The following EVI2B variants were observed in gnomAD, a reference collection of about 807,000 sequenced individuals.
EVI2B encodes ecotropic viral integration site 2B, also known as protein EVI2B.
A neutral mutation model predicts 6.6 loss-of-function variants in EVI2B; 4 were observed. The ratio of observed to expected loss-of-function variants is 0.61; its 90% confidence interval spans 0.30 to 1.39. The LOEUF is 1.39. Ranked by LOEUF, EVI2B falls within the 40% of genes most tolerant of loss-of-function variation. EVI2B has a pLI of 0.08. For missense variants in EVI2B, 484 were observed against 516.6 expected (o/e 0.94, Z 0.61); for synonymous variants, 181 against 186.8 (o/e 0.97, Z 0.25).
intron 1 of EVI2B, among the ~76,000 whole-genome samples, chr17:31,307,221 C>T (rs141282392): frequency 2.3e-4 from 35 of 151,812 alleles, no homozygotes; most frequent in African/African-American, 6.3e-4. Flanking sequence ...GGGGTTTCAC[C>T]GTGTTGGCCA....
intron 1 of EVI2B, chr17:31,307,983 T>G (rs758066732): frequency 8.3e-7 from 1 of 1,202,148 alleles, no homozygotes; most frequent in South Asian, 1.3e-5. Context: ...AGAAAAGATA[T>G]GTGATTTTTT....
chr17:31,304,550 G>A lies in EVI2B; in HGVS notation c.1060C>T (p.Gln354Ter). The A allele has an allele frequency of 1.9e-6, 3 of 1,614,126 alleles. No homozygotes were observed. The highest frequency in any genetic ancestry group is 2.5e-6 in the Non-Finnish European group (3 of 1,180,002). ...LLDLEGQESN[Q>*]SDKPTMTIVS... ...ATTGTCATTGTGGGTTTGTCAGATTGGTTACTTTCCTGTCCTTCCAAATCC... is the reference window on the plus strand; with the variant it reads ...ATTGTCATTGTGGGTTTGTCAGATTAGTTACTTTCCTGTCCTTCCAAATCC... The change falls in exon 2 of 2, where the codon CAA becomes TAA. Residue 354 changes from glutamine (Q) to a stop codon, truncating the protein, a stop_gained. Transcript: ENST00000330927. LOFTEE classifies it low-confidence loss of function (END_TRUNC).
chr17:31,305,633 A>G lies in EVI2B; in HGVS notation c.-21-3T>C, dbSNP rs374849042. ...ATTTCAGAATATTTCCTCGTTATCT[A>G]TAGCGGGTTTATAATGAAAGAGAAA... On this transcript the variant is annotated splice_region_variant and splice_polypyrimidine_tract_variant and intron_variant, in intron 1 of 1. Transcript: ENST00000330927. The G allele has an allele frequency of 3.1e-5, 49 of 1,593,092 alleles. 1 individual carries two copies. The Middle Eastern group carries it at 8.4e-4, about 27-fold the overall frequency.
intron 1 of EVI2B, chr17:31,307,750 C>T (rs1186864939): frequency 6.0e-6 from 3 of 497,974 alleles, no homozygotes; most frequent in East Asian, 7.0e-5. Context: ...TATCTCTTAA[C>T]ATTAGGGAAT....
At chr17:31,313,069 A>G (rs938808785) in intron 1 of EVI2B, among the ~76,000 whole-genome samples, 3 of 152,190 alleles carry the variant, frequency 2.0e-5, no homozygotes, top group African/African-American at 7.2e-5. Context: ...AAAATGAGCC[A>G]TAATGTTTTC....
At chr17:31,311,846 G>A (rs2068885238) in intron 1 of EVI2B, among the ~76,000 whole-genome samples, 2 of 152,122 alleles carry the variant, frequency 1.3e-5, no homozygotes. Flanking sequence ...TCATAGAAAA[G>A]TTATGAAATA....
At chr17:31,310,361 A>G (rs2068837268) in intron 1 of EVI2B, among the ~76,000 whole-genome samples, 1 of 152,136 alleles carries the variant, frequency 6.6e-6, no homozygotes. Flanking sequence ...ACAGGTGAAA[A>G]AAAAAGCAGT....
rs17884979 is a variant in EVI2B at position 31,313,574 on chromosome 17, T to C, written c.-22+405A>G. The stretch of plus-strand genomic sequence containing the variant: ...CAAAAAAATTAGCCAGGCGTGGTGG[T>C]GGGCGCCTGTAATCCGAGCTACTTG... On this transcript the variant is annotated intron_variant, in intron 1 of 1. Coordinates refer to ENST00000330927, the MANE Select transcript of EVI2B (RefSeq NM_006495.4). 1.6e-3 allele frequency among the ~76,000 whole-genome samples: 249 copies of C among 151,782 alleles called. 1 individual carries two copies. The highest frequency in any genetic ancestry group is 5.8e-3 in the African/African-American group (239 of 41,392).
At position 31,304,250 on chromosome 17, in the gene EVI2B, C is replaced by A; in HGVS notation, c.*13G>T. On this transcript the variant is annotated 3_prime_UTR_variant, in exon 2 of 2. Coordinates refer to ENST00000330927, the MANE Select transcript of EVI2B (RefSeq NM_006495.4). ...TGAGGATGGAAGATCAGCTAAAAAG[C>A]AAGTTGTAATATTTATAACAGTTCT... 1 of 1,560,034 alleles carries A rather than the reference C, an allele frequency of 6.4e-7. No individual in the cohort carries two copies. The highest frequency in any genetic ancestry group is 8.7e-7 in the Non-Finnish European group (1 of 1,155,438).
chr17:31,309,728 A>G (rs1189669113), intron 1 of EVI2B, among the ~76,000 whole-genome samples: 3 of 152,184 alleles, frequency 2.0e-5, no homozygotes, highest in Non-Finnish European at 4.4e-5. Context: ...CCCAAACAGG[A>G]ACATAATTTT....
intron 1 of EVI2B, among the ~76,000 whole-genome samples, chr17:31,313,586 A>T (rs1440529906): frequency 3.3e-5 from 5 of 151,822 alleles, no homozygotes; most frequent in African/African-American, 1.2e-4. Context: ...GGCGCCTGTA[A>T]TCCGAGCTAC....
intron 1 of EVI2B, among the ~76,000 whole-genome samples, chr17:31,311,665 A>G (rs1217503117): frequency 2.0e-5 from 3 of 152,232 alleles, no homozygotes; most frequent in Non-Finnish European, 4.4e-5. Context: ...TATTTTAATT[A>G]GCTAGGTGGT....
In EVI2B at chr17:31,304,146, A is replaced by G. The variant is rs2068642584; in HGVS notation, c.*117T>C. ...CACATAGGCTCTGAGCAGATTTCAG[A>G]TAGTTCCTGAATAAAAATCAAAATT... is the stretch of plus-strand genomic sequence containing the variant. On this transcript the variant is annotated 3_prime_UTR_variant, in exon 2 of 2. Transcript: ENST00000330927. 5 of 1,054,740 alleles carry G rather than the reference A, an allele frequency of 4.7e-6. No individual in the cohort carries two copies. Among genetic ancestry groups the G allele is most frequent in the African/African-American group, 1.6e-5 (1 of 61,884 alleles). The allele number at this position is 1,054,740 out of a possible 1,614,324, so 65.3% of individuals were successfully genotyped here. A position where few individuals can be genotyped will look rare whatever the true frequency, so the allele number is the denominator to read the frequency against.
At chr17:31,309,717 G>A (rs1445421419) in intron 1 of EVI2B, among the ~76,000 whole-genome samples, 6 of 152,112 alleles carry the variant, frequency 3.9e-5, no homozygotes, top group African/African-American at 1.4e-4. Context: ...GAAGGACAGG[G>A]CCCAAACAGG....
Position 31,304,565 on chromosome 17 carries a change from CT to C in EVI2B, c.1044del (p.Gly349AspfsTer12). 6.2e-7 allele frequency: 1 copy of C among 1,614,130 alleles called. No homozygotes were observed. On this transcript the variant is annotated frameshift_variant, in exon 2 of 2. Coordinates refer to ENST00000330927, the MANE Select transcript of EVI2B (RefSeq NM_006495.4). LOFTEE classifies it low-confidence loss of function (END_TRUNC). Reference protein sequence around the residue: ...LPPPPPLLDLEGQESNQSDKP... With the variant: ...LPPPPPLLDLXGQESNQSDKP... ...TTGTCAGATTGGTTACTTTCCTGTC[CT>C]TCCAAATCCAGAAGGGGAGGTGGTG...
At chr17:31,310,435 G>A (rs917852350) in intron 1 of EVI2B, among the ~76,000 whole-genome samples, 14 of 151,874 alleles carry the variant, frequency 9.2e-5, no homozygotes, top group Admixed American at 8.5e-4. Context: ...GTTGGGGGTG[G>A]GGGGAGATGA....
intron 1 of EVI2B, chr17:31,307,832 A>G: frequency 8.4e-7 from 1 of 1,195,356 alleles, no homozygotes; most frequent in Non-Finnish European, 1.1e-6. Context: ...ATAAGCCTAT[A>G]TTTAGAGAGA....
chr17:31,312,036 T>C (rs1360416913), intron 1 of EVI2B, among the ~76,000 whole-genome samples: 2 of 152,098 alleles, frequency 1.3e-5, no homozygotes, highest in Admixed American at 6.6e-5. Context: ...TTTAGTAAGT[T>C]TACTGAAAAT....
rs768559176 is a variant in EVI2B, at chr17:31,304,840, A to AT, written c.769dup (p.Ile257AsnfsTer5). On this transcript the variant is annotated frameshift_variant, in exon 2 of 2. Transcript: ENST00000330927. LOFTEE classifies it high-confidence loss of function. ...TTTTGTGGATATTTCATTTTCTCTG[A>AT]TGTTATCCATACAAATGTCAGGGGT... The AT allele has an allele frequency of 6.2e-7, 1 of 1,613,972 alleles. No individual in the cohort carries two copies. Among genetic ancestry groups the AT allele is most frequent in the South Asian group, 1.1e-5 (1 of 91,066 alleles).
Sources: allele counts gnomAD v4.1 joint callset (sites outside exome capture counted in the v4.1 genomes callset), GRCh38; gene constraint gnomAD v4.1.1; transcripts MANE v1.5; gene names NCBI Gene and HGNC (gene_info 2026-07-23, HGNC 2026-07-21).